CHSY1: variants seen among roughly 807,000 people sequenced by gnomAD.
CHSY1 encodes N-acetylgalactosaminyl-proteoglycan 3-beta-glucuronosyltransferase 1.
CHSY1 carries 13 observed loss-of-function variants against 59.8 expected under a neutral mutation model. The observed-to-expected ratio is 0.22, with a 90% CI of 0.14 to 0.35. CHSY1 has a LOEUF of 0.35. CHSY1 is among the 10% of genes least tolerant of loss of function. CHSY1 has a pLI of 1.00. For missense variants in CHSY1, 947 were observed against 1,030.6 expected (o/e 0.92, Z 1.11); for synonymous variants, 459 against 401.2 (o/e 1.14, Z -1.72).
chr15:101,229,138 G>C (rs1171144196), intron 2 of CHSY1, among the ~76,000 whole-genome samples: 1 of 152,132 alleles, frequency 6.6e-6, no homozygotes, highest in Non-Finnish European at 1.5e-5. Context: ...TAATAAAAAA[G>C]GTAGTACTGG....
intron 2 of CHSY1, among the ~76,000 whole-genome samples, chr15:101,195,941 TATAA>T (rs746601915): frequency 6.6e-6 from 1 of 151,602 alleles, no homozygotes; most frequent in African/African-American, 2.4e-5. Context: ...ATAAATTATA[TATAA>T]ATATTAAAAA....
chr15:101,223,350 CAACT>C (rs1336234989), intron 2 of CHSY1, among the ~76,000 whole-genome samples: 1 of 152,216 alleles, frequency 6.6e-6, no homozygotes, highest in Non-Finnish European at 1.5e-5. Flanking sequence ...CAGTTCATGG[CAACT>C]AACAAAAGCT....
chr15:101,213,768 G>T (rs1370856262), intron 2 of CHSY1, among the ~76,000 whole-genome samples: 1 of 152,176 alleles, frequency 6.6e-6, no homozygotes, highest in Admixed American at 6.5e-5. Flanking sequence ...AGATGAAACA[G>T]AAGATACAGG....
In CHSY1 at chr15:101,178,940, T is replaced by G. The variant is rs747586963; in HGVS notation, c.857A>C (p.Lys286Thr). 6.2e-7 allele frequency: 1 copy of G among 1,614,076 alleles called. No individual in the cohort carries two copies. Among genetic ancestry groups the G allele is most frequent in the South Asian group, 1.1e-5 (1 of 91,078 alleles). Reference protein sequence around the residue: ...LFYENYEQNKKGYIRDLHNSK... With the variant: ...LFYENYEQNKTGYIRDLHNSK... ...GTTATGGAGATCTCTAATGTACCCC[T>G]TTTTGTTCTGCTCGTAATTCTCATA... The change falls in exon 3 of 3, where the codon AAG (lysine) becomes ACG (threonine). Residue 286 changes from lysine (K) to threonine (T), a missense_variant. Lys to Thr is a moderately conservative substitution (Grantham distance 78). Transcript: ENST00000254190.
Position 101,177,568 on chromosome 15 carries a change from G to A in CHSY1, c.2229C>T (p.Val743=). ...CACAAAAGACAGGATGGTGGACGTG[G>A]ACTACTCCTACTTCCTGGCTCCTAA... The part of the protein sequence containing the change: ...KTFRSQEVGV[V]HVHHPVFCDP... Residue 743 remains valine (V), a synonymous_variant, in exon 3 of 3, where the codon GTC becomes GTT. Coordinates refer to ENST00000254190, the MANE Select transcript of CHSY1 (RefSeq NM_014918.5). The A allele has an allele frequency of 6.2e-7, 1 of 1,614,120 alleles. No homozygotes were observed. Among genetic ancestry groups the A allele is most frequent in the Non-Finnish European group, 8.5e-7 (1 of 1,180,000 alleles).
chr15:101,226,754 T>A (rs1272231025), intron 2 of CHSY1, among the ~76,000 whole-genome samples: 1 of 152,240 alleles, frequency 6.6e-6, no homozygotes, highest in African/African-American at 2.4e-5. Context: ...TTGCTACAGA[T>A]GTCCAAAATT....
intron 2 of CHSY1, among the ~76,000 whole-genome samples, chr15:101,231,513 T>C (rs1422767832): frequency 1.3e-5 from 2 of 152,174 alleles, no homozygotes; most frequent in African/African-American, 2.4e-5. Context: ...GTATTGGCTA[T>C]TAAAAACAAT....
chr15:101,215,101 G>A (rs1202525324), intron 2 of CHSY1, among the ~76,000 whole-genome samples: 1 of 152,154 alleles, frequency 6.6e-6, no homozygotes, highest in South Asian at 2.1e-4. Context: ...TTCACCAGAA[G>A]CCAAGCAGAT....
chr15:101,247,907 G>A (rs1179529531), intron 1 of CHSY1, among the ~76,000 whole-genome samples: 1 of 152,128 alleles, frequency 6.6e-6, no homozygotes, highest in Non-Finnish European at 1.5e-5. Flanking sequence ...GGATCTCAGA[G>A]TTGTTGGAAT....
At chr15:101,224,666 C>A (rs894025258) in intron 2 of CHSY1, among the ~76,000 whole-genome samples, 1 of 152,192 alleles carries the variant, frequency 6.6e-6, no homozygotes, top group African/African-American at 2.4e-5. Flanking sequence ...CTCTGAGAAA[C>A]TCCCACCTGG....
At chr15:101,179,348 G>A (rs528630401) in intron 2 of CHSY1, among the ~76,000 whole-genome samples, 3 of 152,320 alleles carry the variant, frequency 2.0e-5, no homozygotes, top group East Asian at 1.9e-4. Context: ...AGAGTCATGC[G>A]TCCCTGGCTG....
At chr15:101,224,832 C>T (rs2038824018) in intron 2 of CHSY1, among the ~76,000 whole-genome samples, 1 of 152,202 alleles carries the variant, frequency 6.6e-6, no homozygotes, top group African/African-American at 2.4e-5. Flanking sequence ...TGTTCCCTCA[C>T]CTGTTCCTTT....
chr15:101,223,940 G>C (rs898301392), intron 2 of CHSY1, among the ~76,000 whole-genome samples: 1 of 152,264 alleles, frequency 6.6e-6, no homozygotes, highest in Non-Finnish European at 1.5e-5. Flanking sequence ...TGACCCCTTA[G>C]ACTGTGGTCC....
chr15:101,213,394 G>A (rs1162357986), intron 2 of CHSY1, among the ~76,000 whole-genome samples: 3 of 145,600 alleles, frequency 2.1e-5, no homozygotes, highest in African/African-American at 7.6e-5. Flanking sequence ...GTAGAGGAAG[G>A]AAAAAAACAA....
chr15:101,245,730 G>C (rs758850238), intron 1 of CHSY1, among the ~76,000 whole-genome samples: 59 of 152,192 alleles, frequency 3.9e-4, no homozygotes, highest in African/African-American at 1.3e-3. Context: ...AGCGCTTCAA[G>C]ATCTTGAACC....
chr15:101,218,062 C>T (rs866874821), intron 2 of CHSY1, among the ~76,000 whole-genome samples: 19 of 152,150 alleles, frequency 1.2e-4, no homozygotes, highest in Middle Eastern at 3.2e-3. Context: ...AAATCCATAA[C>T]GCCAATCTAA....
chr15:101,239,145 G>GA (rs1168894479), intron 1 of CHSY1, among the ~76,000 whole-genome samples: 1 of 152,180 alleles, frequency 6.6e-6, no homozygotes, highest in Non-Finnish European at 1.5e-5. Flanking sequence ...ACAATTCTTT[G>GA]AAAATGTAAA....
At chr15:101,233,447 G>A (rs540020921) in intron 2 of CHSY1, among the ~76,000 whole-genome samples, 1 of 152,190 alleles carries the variant, frequency 6.6e-6, no homozygotes, top group Admixed American at 6.5e-5. Context: ...TATACAATGT[G>A]TTACCTATTT....
In CHSY1 at chr15:101,176,225, A is replaced by G. The variant is rs1175770759; in HGVS notation, c.*1163T>C. ...AATGGCAGAGCTCTGAACAACAGAT[A>G]TTAAATAAATTAAAGGTATTTCAGA... On this transcript the variant is annotated 3_prime_UTR_variant, in exon 3 of 3. Coordinates refer to ENST00000254190, the MANE Select transcript of CHSY1 (RefSeq NM_014918.5). 2.5e-6 allele frequency: 1 copy of G among 398,536 alleles called. No individual in the cohort carries two copies. The highest frequency in any genetic ancestry group is 4.4e-6 in the Non-Finnish European group (1 of 226,010). 24.7% of individuals were successfully genotyped at this position (398,536 alleles called of 1,614,324 possible).
Sources: allele counts gnomAD v4.1 joint callset (sites outside exome capture counted in the v4.1 genomes callset), GRCh38; gene constraint gnomAD v4.1.1; transcripts MANE v1.5; gene names NCBI Gene and HGNC (gene_info 2026-07-23, HGNC 2026-07-21).